The following CNTNAP2 variants were observed in gnomAD, a reference collection of about 807,000 sequenced individuals.
The protein encoded by CNTNAP2 is contactin-associated protein-like 2.
In CNTNAP2, 98 loss-of-function variants were observed where a neutral mutation model predicts 155.2. That is an observed-to-expected ratio of 0.63 (90% CI 0.54 to 0.75). The LOEUF (loss-of-function observed/expected upper bound fraction) is 0.75, where lower values mean the gene tolerates loss of function less well. Among genes scored for constraint, CNTNAP2 ranks in the 30% least tolerant of loss-of-function variants. The probability of loss-of-function intolerance (pLI) is 0.00; values close to 1 mark genes in which losing one functional copy is unlikely to be tolerated. For missense variants in CNTNAP2, 1,727 were observed against 1,688.1 expected, an observed-to-expected ratio of 1.02 and a Z score of -0.40; for synonymous variants, 651 against 631.2, an observed-to-expected ratio of 1.03 and a Z score of -0.47.
At chr7:148,186,482 A>G (rs1036503338) in intron 18 of CNTNAP2, among the ~76,000 whole-genome samples, 1 of 152,160 alleles carries the variant, frequency 6.6e-6, no homozygotes, top group Non-Finnish European at 1.5e-5. Context: ...TAACACACTC[A>G]CTGGATCAGA....
chr7:147,883,320 A>T (rs2708243), intron 13 of CNTNAP2, among the ~76,000 whole-genome samples: 80,577 of 151,966 alleles, frequency 0.53, 21,497 homozygotes, highest in East Asian at 0.61. Context: ...TTTTTTTGAG[A>T]CAGTGTAAGA....
At chr7:147,965,082 A>G (rs965670340) in intron 14 of CNTNAP2, among the ~76,000 whole-genome samples, 1 of 152,184 alleles carries the variant, frequency 6.6e-6, no homozygotes, top group Admixed American at 6.5e-5. Context: ...AGTTGGAGAA[A>G]GAAGCCCAGG....
intron 8 of CNTNAP2, among the ~76,000 whole-genome samples, chr7:147,296,948 G>T (rs1215386367): frequency 1.3e-5 from 2 of 152,142 alleles, no homozygotes; most frequent in Non-Finnish European, 2.9e-5. Context: ...GGAGTTTTCT[G>T]CAGGTGACAG....
chr7:147,049,480 G>T (rs1005905420), intron 4 of CNTNAP2, among the ~76,000 whole-genome samples: 21 of 152,200 alleles, frequency 1.4e-4, no homozygotes, highest in Admixed American at 3.9e-4. Context: ...TTAGTGAACT[G>T]TTGTCTCAAG....
chr7:146,477,434 T>C (rs561668543), intron 1 of CNTNAP2, among the ~76,000 whole-genome samples: 1 of 152,284 alleles, frequency 6.6e-6, no homozygotes, highest in South Asian at 2.1e-4. Context: ...TTAAGCTTCC[T>C]AATGATTTCT....
At chr7:147,335,434 A>T (rs1188515479) in intron 9 of CNTNAP2, among the ~76,000 whole-genome samples, 3 of 152,158 alleles carry the variant, frequency 2.0e-5, no homozygotes, top group Admixed American at 6.6e-5. Context: ...GTAAGCTACT[A>T]ATTAGGTGCT....
Position 147,932,348 on chromosome 7 carries a change from G to A in CNTNAP2, c.2255+28627G>A, listed in dbSNP as rs371077497. Among the ~76,000 whole-genome samples, 50 of 152,188 alleles carry A rather than the reference G, an allele frequency of 3.3e-4. No homozygotes were observed. In the South Asian group the frequency reaches 6.4e-3, roughly 20 times the overall value. ...AAGCTTCAGTAATTAAAACACTAAG[G>A]TACTGTCATAAAGACAGCTTTATAG... On this transcript the variant is annotated intron_variant, in intron 14 of 23. Transcript: ENST00000361727.
chr7:146,562,745 A>G (rs1308434182), intron 1 of CNTNAP2, among the ~76,000 whole-genome samples: 1 of 152,186 alleles, frequency 6.6e-6, no homozygotes, highest in African/African-American at 2.4e-5. Context: ...TATATTTTTC[A>G]CTAAATCTAT....
chr7:146,686,072 G>A (rs1186057934), intron 1 of CNTNAP2, among the ~76,000 whole-genome samples: 1 of 152,114 alleles, frequency 6.6e-6, no homozygotes, highest in Non-Finnish European at 1.5e-5. Context: ...TGACACTGGA[G>A]GATCTGTTGA....
At chr7:148,413,425 T>A (rs1361423927) in intron 23 of CNTNAP2, among the ~76,000 whole-genome samples, 2,610 of 90,774 alleles carry the variant, frequency 0.029, 609 homozygotes, top group African/African-American at 0.088. Flanking sequence ...TATATATATA[T>A]ATATATATAT....
chr7:146,613,002 C>A (rs1799164332), intron 1 of CNTNAP2, among the ~76,000 whole-genome samples: 1 of 151,612 alleles, frequency 6.6e-6, no homozygotes, highest in African/African-American at 2.4e-5. Context: ...TTTGTCCTCC[C>A]ACTCACTACC....
intron 1 of CNTNAP2, among the ~76,000 whole-genome samples, chr7:146,159,739 A>G (rs1584778836): frequency 6.6e-6 from 1 of 152,122 alleles, no homozygotes; most frequent in Non-Finnish European, 1.5e-5. Context: ...GATTCATAAA[A>G]CAAGTCCTTA....
intron 18 of CNTNAP2, 31 bp from the exon 19 acceptor site, chr7:148,217,257 A>G: frequency 6.2e-7 from 1 of 1,611,502 alleles, no homozygotes; most frequent in African/African-American, 1.3e-5. Flanking sequence ...ACCTCTCCTC[A>G]TTTTTCAATT....
chr7:146,304,025 T>A (rs1392384012), intron 1 of CNTNAP2, among the ~76,000 whole-genome samples: 2 of 151,890 alleles, frequency 1.3e-5, no homozygotes, highest in Non-Finnish European at 2.9e-5. Context: ...TATGTAATGG[T>A]CTTCTTTGTC....
rs148796872 is a variant in CNTNAP2 at position 147,220,886 on chromosome 7, G to T, written c.1349-79255G>T. On this transcript the variant is annotated intron_variant, in intron 8 of 23. Coordinates refer to ENST00000361727, the MANE Select transcript of CNTNAP2 (RefSeq NM_014141.6). ...TCATCACCATGTCTGACTAATTTTT[G>T]TGTTTTTTAGTTGAGATGGGGTTTT... Among the ~76,000 whole-genome samples, 424 of 151,872 alleles carry T rather than the reference G, an allele frequency of 2.8e-3. 2 individuals are homozygous for T. Among genetic ancestry groups the T allele is most frequent in the Non-Finnish European group, 5.0e-3 (341 of 67,916 alleles).
intron 15 of CNTNAP2, among the ~76,000 whole-genome samples, chr7:148,001,609 T>A (rs966611736): frequency 6.6e-6 from 1 of 152,250 alleles, no homozygotes; most frequent in African/African-American, 2.4e-5. Flanking sequence ...AGATGCTTTA[T>A]ACATGAGCAT....
At chr7:147,425,453 TAAGA>T (rs1797363574) in intron 10 of CNTNAP2, among the ~76,000 whole-genome samples, 1 of 150,142 alleles carries the variant, frequency 6.7e-6, no homozygotes, top group African/African-American at 2.5e-5. Context: ...TTAAATCCTG[TAAGA>T]AAACTCACTC....
At chr7:147,657,746 T>A (rs1486586322) in intron 13 of CNTNAP2, among the ~76,000 whole-genome samples, 1 of 152,164 alleles carries the variant, frequency 6.6e-6, no homozygotes, top group African/African-American at 2.4e-5. Context: ...TTATTTTTAA[T>A]GAGAAAGTAG....
rs1431058456 is a variant in CNTNAP2, at chr7:147,778,758, G to A, written c.2099-124807G>A. ...GAACTCCTGACCTCATAATCTGCCT[G>A]CCTTGGTCTCCCAAAGTGCTGGGAT... is the stretch of plus-strand genomic sequence containing the variant. On this transcript the variant is annotated intron_variant, in intron 13 of 23. Transcript: ENST00000361727. Among the ~76,000 whole-genome samples the A allele has an allele frequency of 4.6e-5, 7 of 152,286 alleles. No individual in the cohort carries two copies. The East Asian group carries it at 1.4e-3, about 29-fold the overall frequency.
Sources: allele counts gnomAD v4.1 joint callset (sites outside exome capture counted in the v4.1 genomes callset), GRCh38; gene constraint gnomAD v4.1.1; transcripts MANE v1.5; gene names NCBI Gene and HGNC (gene_info 2026-07-23, HGNC 2026-07-21).